AOX1: variants seen among roughly 807,000 people sequenced by gnomAD.
AOX1 encodes aldehyde oxidase 1.
A neutral mutation model predicts 169.5 loss-of-function variants in AOX1; 153 were observed. The observed-to-expected ratio is 0.90, with a 90% CI of 0.79 to 1.03. The LOEUF (loss-of-function observed/expected upper bound fraction) is 1.03. Among genes scored for constraint, AOX1 ranks in the 50% least tolerant of loss-of-function variants. AOX1 has a pLI of 0.00. For synonymous variants in AOX1, 562 were observed against 581.9 expected, an observed-to-expected ratio of 0.97 and a Z score of 0.49; for missense variants, 1,656 against 1,663.9, an observed-to-expected ratio of 1.00 and a Z score of 0.08.
intron 10 of AOX1, among the ~76,000 whole-genome samples, chr2:200,608,566 G>C (rs776673471): frequency 6.6e-6 from 1 of 152,180 alleles, no homozygotes; most frequent in Non-Finnish European, 1.5e-5. Context: ...TCAACTCTCA[G>C]TTTCTTCATC....
intron 5 of AOX1, 44 bp downstream of exon 5, chr2:200,599,790 T>G: frequency 7.4e-7 from 1 of 1,347,158 alleles, no homozygotes; most frequent in Non-Finnish European, 9.6e-7. Flanking sequence ...TTTTATTTAT[T>G]TATTTATTTT....
chr2:200,672,680 A>G (rs182738258), downstream of AOX1, among the ~76,000 whole-genome samples: 75 of 152,334 alleles, frequency 4.9e-4, 1 homozygote, highest in African/African-American at 1.8e-3. Flanking sequence ...TTACAGGAGT[A>G]TGGTTGATGC....
At chr2:200,656,749 G>A (rs2287011) in intron 26 of AOX1, 93 bp from the exon 27 acceptor site, 235,264 of 969,084 alleles carry the variant, frequency 0.24, 30,160 homozygotes, top group South Asian at 0.32. Flanking sequence ...GGGATTCTTG[G>A]AGGGAAATAT....
downstream of AOX1, among the ~76,000 whole-genome samples, chr2:200,676,337 T>C (rs1408598962): frequency 3.9e-5 from 6 of 152,110 alleles, no homozygotes; most frequent in Non-Finnish European, 7.4e-5. Context: ...CAGTGACTCA[T>C]GCCTGTAATC....
intron 6 of AOX1, 23 bp from the exon 7 acceptor site, chr2:200,603,244 G>A (rs758838211): frequency 3.8e-6 from 6 of 1,597,432 alleles, no homozygotes; most frequent in Non-Finnish European, 5.1e-6. Context: ...TAAATTCCTA[G>A]TGATTTGTTT....
chr2:200,634,726 A>T, intron 20 of AOX1, 65 bp from the exon 21 acceptor site: 1 of 1,597,170 alleles, frequency 6.3e-7, no homozygotes, highest in African/African-American at 1.3e-5. Flanking sequence ...ACGGGATAAT[A>T]CCTGGGGGAC....
At chr2:200,675,493 G>T (rs1160688336), downstream of AOX1, among the ~76,000 whole-genome samples, 1 of 152,132 alleles carries the variant, frequency 6.6e-6, no homozygotes, top group African/African-American at 2.4e-5. Context: ...TACATGATTT[G>T]TTATATTAAG....
At chr2:200,590,106 T>A (rs187639150) in intron 1 of AOX1, among the ~76,000 whole-genome samples, 4 of 152,196 alleles carry the variant, frequency 2.6e-5, no homozygotes, top group African/African-American at 9.6e-5. Flanking sequence ...CTCTTCTACC[T>A]CTCAGCCTTG....
intron 20 of AOX1, among the ~76,000 whole-genome samples, chr2:200,628,099 A>G (rs183008871): frequency 2.8e-4 from 42 of 152,264 alleles, no homozygotes; most frequent in Middle Eastern, 3.4e-3. Flanking sequence ...TTTGGCTTTG[A>G]GATATTTTAA....
intron 20 of AOX1, among the ~76,000 whole-genome samples, chr2:200,633,407 C>A (rs2035167425): frequency 6.6e-6 from 1 of 151,930 alleles, no homozygotes; most frequent in South Asian, 2.1e-4. Flanking sequence ...TTTTTTTCTG[C>A]TTTTCAGATT....
chr2:200,615,796 A>G (rs2034742876), intron 15 of AOX1, among the ~76,000 whole-genome samples, 175 bp from the exon 16 acceptor site: 1 of 152,180 alleles, frequency 6.6e-6, no homozygotes, highest in Non-Finnish European at 1.5e-5. Context: ...TTCAGAGTAT[A>G]TGTCCTTGAG....
intron 19 of AOX1, among the ~76,000 whole-genome samples, chr2:200,626,452 AG>A (rs960918694): frequency 1.3e-5 from 2 of 152,270 alleles, no homozygotes; most frequent in African/African-American, 4.8e-5. Context: ...TAATGCCAGC[AG>A]GAGCTGGCAC....
chr2:200,647,476 C>A (rs537625057), intron 25 of AOX1, among the ~76,000 whole-genome samples: 119 of 152,304 alleles, frequency 7.8e-4, no homozygotes, highest in African/African-American at 2.8e-3. Flanking sequence ...TGTAAGTTTT[C>A]CTTTATAAGT....
At chr2:200,611,586 T>A in intron 13 of AOX1, 93 bp downstream of exon 13, 1 of 839,618 alleles carries the variant, frequency 1.2e-6, no homozygotes, top group Non-Finnish European at 2.0e-6. Context: ...AAGGGTGAAG[T>A]GTTTATGTGG....
Position 200,666,727 on chromosome 2 carries a change from T to C in AOX1, c.3584T>C (p.Ile1195Thr). The C allele has an allele frequency of 2.5e-6, 4 of 1,610,970 alleles. No homozygotes were observed. Among genetic ancestry groups the C allele is most frequent in the Non-Finnish European group, 3.4e-6 (4 of 1,179,166 alleles). Residue 1195 changes from isoleucine to threonine, a missense_variant, in exon 32 of 35, where the codon ATA becomes ACA. Coordinates refer to ENST00000374700, the MANE Select transcript of AOX1 (RefSeq NM_001159.4). ...ATTGTCATGGATGTTGGCTGCAGTA[T>C]AAATCCAGCCATTGACATAGGCCAG... Reference protein sequence around the residue: ...TDIVMDVGCSINPAIDIGQIE... With the variant: ...TDIVMDVGCSTNPAIDIGQIE...
At position 200,611,478 on chromosome 2, in the gene AOX1, C is replaced by T. The variant is rs1434859728; in HGVS notation, c.1248C>T (p.Ile416=). ...KPQEILVSVN[I]PYSRKWEFVS... ...AAGAAATCTTGGTCTCAGTGAACAT[C>T]CCCTACTCAAGGAAGGTGAGAACAT... Residue 416 remains isoleucine (I), a synonymous_variant, in exon 13 of 35, where the codon ATC becomes ATT. Transcript: ENST00000374700. 6.2e-7 allele frequency: 1 copy of T among 1,610,524 alleles called. No homozygotes were observed. Among genetic ancestry groups the T allele is most frequent in the Admixed American group, 1.7e-5 (1 of 60,018 alleles).
chr2:200,670,801 C>CT lies in AOX1; in HGVS notation c.*122_*123insT. 2.7e-6 allele frequency: 2 copies of CT among 745,750 alleles called. No homozygotes were observed. The highest frequency in any genetic ancestry group is 3.7e-5 in the South Asian group (2 of 53,932). The allele number at this position is 745,750 out of a possible 1,614,324, so 46.2% of individuals were successfully genotyped here. ...TTTCCACAGTTCAGAAATCATCCCA[C>CT]AGTGTTGCTTTTCTATGGAGCTGAT... On this transcript the variant is annotated 3_prime_UTR_variant, in exon 35 of 35. Coordinates refer to ENST00000374700, the MANE Select transcript of AOX1 (RefSeq NM_001159.4).
chr2:200,603,798 G>T (rs115314339), intron 7 of AOX1, among the ~76,000 whole-genome samples: 24,030 of 152,070 alleles, frequency 0.16, 2,196 homozygotes, highest in Non-Finnish European at 0.21. Context: ...AAGGTACAGG[G>T]AGTTGAGGCC....
At chr2:200,612,527 G>A in intron 13 of AOX1, 82 bp from the exon 14 acceptor site, 1 of 1,395,468 alleles carries the variant, frequency 7.2e-7, no homozygotes, top group Non-Finnish European at 1.0e-6. Flanking sequence ...CGGTGTGTAG[G>A]TGATACTCAA....
Sources: gnomAD v4.1 joint callset for allele counts (sites outside exome capture counted in the v4.1 genomes callset) on GRCh38, gnomAD v4.1.1 for gene constraint, MANE v1.5 for transcripts, NCBI Gene and HGNC (gene_info 2026-07-23, HGNC 2026-07-21) for gene names.